The following YEATS2 variants were observed in gnomAD, a reference collection of about 807,000 sequenced individuals.
YEATS2 encodes YEATS domain-containing protein 2.
In YEATS2, 77 loss-of-function variants were observed where a neutral mutation model predicts 163.2. The ratio of observed to expected loss-of-function variants is 0.47; its 90% CI spans 0.39 to 0.57. The LOEUF (loss-of-function observed/expected upper bound fraction) is 0.57, where lower values mean the gene tolerates loss of function less well. YEATS2 is among the 20% of genes least tolerant of loss of function. The probability of loss-of-function intolerance (pLI) is 0.00; values close to 1 mark genes in which losing one functional copy is unlikely to be tolerated. For missense variants in YEATS2, 1,549 were observed against 1,729.8 expected, an observed-to-expected ratio of 0.90 and a Z score of 1.85; for synonymous variants, 631 against 645.1, an observed-to-expected ratio of 0.98 and a Z score of 0.33.
intron 2 of YEATS2, among the ~76,000 whole-genome samples, chr3:183,715,925 G>A (rs964073101): frequency 5.9e-5 from 9 of 152,128 alleles, no homozygotes; most frequent in Non-Finnish European, 8.8e-5. Flanking sequence ...AATGTCTTAA[G>A]CAAGCTTAAA....
intron 5 of YEATS2, among the ~76,000 whole-genome samples, chr3:183,723,259 A>G (rs562901004): frequency 6.6e-6 from 1 of 152,164 alleles, no homozygotes; most frequent in Non-Finnish European, 1.5e-5. Flanking sequence ...ATCTCAAGCT[A>G]CTCTGAACTT....
In YEATS2 at chr3:183,808,109, G is replaced by A; in HGVS notation, c.4086+5G>A. ...GTGGAGGACATGATCCTGAAGGTGG[G>A]TGCCTGCAGGGGCCGCCAGCCAGGA... On this transcript the variant is annotated splice_donor_5th_base_variant and intron_variant, in intron 29 of 30. Transcript: ENST00000305135. The A allele has an allele frequency of 6.4e-7, 1 of 1,551,220 alleles. No individual in the cohort carries two copies. Among genetic ancestry groups the A allele is most frequent in the Non-Finnish European group, 8.7e-7 (1 of 1,146,256 alleles).
intron 7 of YEATS2, among the ~76,000 whole-genome samples, chr3:183,736,141 T>G (rs1475769648): frequency 3.9e-5 from 6 of 152,204 alleles, no homozygotes; most frequent in Non-Finnish European, 8.8e-5. Flanking sequence ...TACATTGTGC[T>G]GAGAATTCTC....
intron 1 of YEATS2, among the ~76,000 whole-genome samples, chr3:183,700,330 G>A (rs965934757): frequency 6.6e-6 from 1 of 151,556 alleles, no homozygotes; most frequent in African/African-American, 2.4e-5. Context: ...TCTGAGTGTA[G>A]CCCACATACG....
At chr3:183,743,199 G>A (rs948175286) in intron 8 of YEATS2, among the ~76,000 whole-genome samples, 10 of 152,106 alleles carry the variant, frequency 6.6e-5, no homozygotes, top group Non-Finnish European at 1.0e-4. Flanking sequence ...AGTCAACCAC[G>A]ATCTTTGAAA....
chr3:183,803,681 T>C, intron 26 of YEATS2: 1 of 500,816 alleles, frequency 2.0e-6, no homozygotes. Flanking sequence ...CAGGTGAAGA[T>C]CCTTACAGTG....
intron 1 of YEATS2, among the ~76,000 whole-genome samples, chr3:183,708,785 G>C (rs557511610): frequency 6.6e-6 from 1 of 152,038 alleles, no homozygotes; most frequent in East Asian, 1.9e-4. Context: ...GATCACTTGA[G>C]CCCAGGATTC....
intron 19 of YEATS2, among the ~76,000 whole-genome samples, chr3:183,781,983 C>T (rs994941781): frequency 6.6e-5 from 10 of 151,998 alleles, no homozygotes; most frequent in Admixed American, 4.6e-4. Context: ...TCTTGAACTT[C>T]ATGTCAGTGG....
rs1726388916 is a variant in YEATS2 at position 183,807,961 on chromosome 3, A to G, written c.4012-69A>G. ...GCATCGCTTTGCATGTCAGGGAGGT[A>G]TGCTTGTTTGGAGAGAGGCTGTTTC... On this transcript the variant is annotated intron_variant, in intron 28 of 30. Coordinates refer to ENST00000305135, the MANE Select transcript of YEATS2 (RefSeq NM_018023.5). 5.3e-6 allele frequency: 7 copies of G among 1,315,268 alleles called. No homozygotes were observed. The South Asian group carries it at 9.0e-5, about 17-fold the overall frequency. 81.5% of individuals were successfully genotyped at this position (1,315,268 alleles called of 1,614,324 possible).
intron 8 of YEATS2, among the ~76,000 whole-genome samples, chr3:183,743,415 C>G (rs1719181682): frequency 6.6e-6 from 1 of 152,128 alleles, no homozygotes. Flanking sequence ...TCACGGCTCA[C>G]TGCATCCTTG....
rs1726721471 is a variant in YEATS2 at position 183,810,677 on chromosome 3, T to C, written c.*94T>C. 5.2e-6 allele frequency: 6 copies of C among 1,158,916 alleles called. No individual in the cohort carries two copies. Among genetic ancestry groups the C allele is most frequent in the Non-Finnish European group, 7.6e-6 (6 of 791,974 alleles). The allele number at this position is 1,158,916 out of a possible 1,614,324, so 71.8% of individuals were successfully genotyped here. On this transcript the variant is annotated 3_prime_UTR_variant, in exon 31 of 31. Transcript: ENST00000305135. ...CTCGGGAAGGAGGTGGTTTCCAGTG[T>C]GACTCGGCATGTCATGGCTACCCAA...
Position 183,727,197 on chromosome 3 carries a change from C to T in YEATS2, c.651-1493C>T, listed in dbSNP as rs951924658. On this transcript the variant is annotated intron_variant, in intron 6 of 30. Transcript: ENST00000305135. ...GAAAGGAAAAAATAAACATAACATA[C>T]ACAAACCTGGCGAAATTAATTTTAA... Among the ~76,000 whole-genome samples the T allele has an allele frequency of 7.2e-5, 11 of 151,948 alleles. No homozygotes were observed. The East Asian group carries it at 1.7e-3, about 24-fold the overall frequency.
chr3:183,750,661 G>A (rs1363869288), intron 9 of YEATS2, among the ~76,000 whole-genome samples: 1 of 152,148 alleles, frequency 6.6e-6, no homozygotes, highest in East Asian at 1.9e-4. Context: ...GTTTTGATCT[G>A]TGTTTCTCTA....
chr3:183,788,733 T>A (rs755697064), intron 20 of YEATS2, among the ~76,000 whole-genome samples: 3 of 152,206 alleles, frequency 2.0e-5, no homozygotes, highest in Non-Finnish European at 4.4e-5. Context: ...CTGTTCTCTA[T>A]CGTGATTGTA....
At chr3:183,769,094 C>A (rs1312957841) in intron 15 of YEATS2, among the ~76,000 whole-genome samples, 1 of 152,126 alleles carries the variant, frequency 6.6e-6, no homozygotes, top group African/African-American at 2.4e-5. Flanking sequence ...AAAATTGGTT[C>A]TTTTATTCTG....
In YEATS2 at chr3:183,807,288, C is replaced by T. The variant is rs556735524; in HGVS notation, c.4011+196C>T. The T allele has an allele frequency of 6.9e-6, 4 of 577,416 alleles. No individual in the cohort carries two copies. The African/African-American group carries it at 7.5e-5, about 11-fold the overall frequency. 35.8% of individuals were successfully genotyped at this position (577,416 alleles called of 1,614,324 possible). ...GTGTGCTCTCAGGGCTCCCACCGTC[C>T]CACATCAGAGCCCTTGGGCAGAAAT... On this transcript the variant is annotated intron_variant, in intron 28 of 30. Transcript: ENST00000305135.
chr3:183,753,718 A>G (rs973218649), intron 10 of YEATS2, among the ~76,000 whole-genome samples: 1 of 152,248 alleles, frequency 6.6e-6, no homozygotes, highest in Non-Finnish European at 1.5e-5. Flanking sequence ...ACTGCACTCT[A>G]GCCTGGGTGA....
chr3:183,747,893 C>A (rs1719724502), intron 9 of YEATS2, among the ~76,000 whole-genome samples, 177 bp downstream of exon 9: 1 of 151,952 alleles, frequency 6.6e-6, no homozygotes, highest in African/African-American at 2.4e-5. Context: ...GATTCTCCTA[C>A]CTCAGCCTCC....
At chr3:183,788,497 G>A (rs565272095) in intron 20 of YEATS2, among the ~76,000 whole-genome samples, 1 of 152,086 alleles carries the variant, frequency 6.6e-6, no homozygotes, top group Admixed American at 6.6e-5. Context: ...TTCTTATAAC[G>A]GAATAATATT....
Sources: allele counts gnomAD v4.1 joint callset (sites outside exome capture counted in the v4.1 genomes callset), GRCh38; gene constraint gnomAD v4.1.1; transcripts MANE v1.5; gene names NCBI Gene and HGNC (gene_info 2026-07-23, HGNC 2026-07-21).